The following AMY2B variants were observed in gnomAD, a reference collection of about 807,000 sequenced individuals.
The protein encoded by AMY2B is amylase alpha 2B.
A neutral mutation model predicts 59.3 loss-of-function variants in AMY2B; 63 were observed. The ratio of observed to expected loss-of-function variants is 1.06; its 90% CI spans 0.87 to 1.31. AMY2B has a LOEUF of 1.31. Among genes scored for constraint, AMY2B ranks in the 50% most tolerant of loss-of-function variants. The probability of loss-of-function intolerance (pLI) is 0.00; values close to 1 mark genes in which losing one functional copy is unlikely to be tolerated. For synonymous variants in AMY2B, 180 were observed against 198.1 expected (o/e 0.91, Z 0.77); for missense variants, 635 against 626.7 (o/e 1.01, Z -0.14).
At chr1:103,572,377 T>C (rs1652170641) in intron 2 of AMY2B, 121 bp downstream of exon 2, 1 of 1,479,140 alleles carries the variant, frequency 6.8e-7, no homozygotes, top group East Asian at 2.4e-5. Flanking sequence ...TACTTCATAC[T>C]TTAAAACTCA....
intron 1 of AMY2B, among the ~76,000 whole-genome samples, chr1:103,560,543 C>T (rs564175863): frequency 1.3e-5 from 2 of 152,208 alleles, no homozygotes; most frequent in East Asian, 3.9e-4. Context: ...TTACCCTATA[C>T]CACAGGAATT....
rs753376439 is a variant in AMY2B, at chr1:103,573,161, T to C, written c.414T>C (p.Ser138=). ...STCGSYFNPG[S]RDFPAVPYSG... is the part of the protein sequence containing the mutation. ...GTGGAAGTTACTTCAACCCTGGAAGTAGGGACTTTCCAGCAGTCCCATATT... is the reference window on the plus strand; with the variant it reads ...GTGGAAGTTACTTCAACCCTGGAAGCAGGGACTTTCCAGCAGTCCCATATT... Residue 138 remains serine (S), a synonymous_variant, in exon 3 of 10, where the codon AGT becomes AGC. Coordinates refer to ENST00000684275, the MANE Select transcript of AMY2B (RefSeq NM_001387437.1). 6 of 1,613,764 alleles carry C rather than the reference T, an allele frequency of 3.7e-6. 1 individual carries two copies. The South Asian group carries it at 5.5e-5, about 15-fold the overall frequency.
At chr1:103,565,354 T>C (rs1266058307) in intron 1 of AMY2B, 1 of 152,300 alleles carries the variant, frequency 6.6e-6, no homozygotes, top group South Asian at 2.1e-4. Flanking sequence ...ATAGTTACAT[T>C]GTTTAGGGAA....
intron 9 of AMY2B, 38 bp downstream of exon 9, chr1:103,577,883 G>T: frequency 6.3e-7 from 1 of 1,595,700 alleles, no homozygotes; most frequent in East Asian, 2.2e-5. Flanking sequence ...TTTTGTACCT[G>T]TATGCTCTTG....
chr1:103,575,265 A>G lies in AMY2B; in HGVS notation c.921A>G (p.Ala307=), dbSNP rs766003851. Residue 307 remains alanine, a synonymous_variant, in exon 6 of 10, where the codon GCA becomes GCG. Transcript: ENST00000684275. ...GGGGTTTCATGCCTTCTGACAGAGCACTTGTCTTTGTGGATAACCATGACA... is the reference window on the plus strand; with the variant it reads ...GGGGTTTCATGCCTTCTGACAGAGCGCTTGTCTTTGTGGATAACCATGACA... The part of the protein sequence containing the change: ...EGWGFMPSDR[A]LVFVDNHDNQ... 34 of 1,613,556 alleles carry G rather than the reference A, an allele frequency of 2.1e-5. No individual in the cohort carries two copies. Among genetic ancestry groups the G allele is most frequent in the African/African-American group, 6.7e-5 (5 of 74,920 alleles).
At chr1:103,575,170 C>T (rs555261276) in intron 5 of AMY2B, 53 bp from the exon 6 acceptor site, 300 of 1,609,770 alleles carry the variant, frequency 1.9e-4, no homozygotes, top group Non-Finnish European at 1.7e-4. Flanking sequence ...TTAAGTTACT[C>T]GCAAACTATT....
intron 9 of AMY2B, 55 bp downstream of exon 9, chr1:103,577,900 T>C: frequency 6.3e-7 from 1 of 1,589,846 alleles, no homozygotes; most frequent in African/African-American, 1.3e-5. Context: ...CTTGGTTTAT[T>C]CCTTTTTTTC....
In AMY2B at chr1:103,573,981, T is replaced by G. The variant is rs754418679; in HGVS notation, c.744+43T>G. The G allele has an allele frequency of 3.1e-6, 5 of 1,613,078 alleles. No homozygotes were observed. In the South Asian group the frequency reaches 5.5e-5, roughly 18 times the overall value. On this transcript the variant is annotated intron_variant, in intron 4 of 9. Coordinates refer to ENST00000684275, the MANE Select transcript of AMY2B (RefSeq NM_001387437.1). ...TGCATATAAAATATCATCTTATTCA[T>G]TAGAAAATAATGGCAGATTTAATTA...
At position 103,577,766 on chromosome 1, in the gene AMY2B, A is replaced by C. The variant is rs754841340; in HGVS notation, c.1267A>C (p.Asn423His). 4 of 1,609,276 alleles carry C rather than the reference A, an allele frequency of 2.5e-6. No homozygotes were observed. Among genetic ancestry groups the C allele is most frequent in the Non-Finnish European group, 2.5e-6 (3 of 1,179,762 alleles). The change falls in exon 9 of 10, where the codon AAC becomes CAC. Residue 423 changes from asparagine to histidine, a missense_variant. Transcript: ENST00000684275. ...TGTAGTGGATGGCCAGCCTTTTACAAACTGGTATGATAATGGGAGCAACCA... is the reference window on the plus strand; with the variant it reads ...TGTAGTGGATGGCCAGCCTTTTACACACTGGTATGATAATGGGAGCAACCA... ...RNVVDGQPFTNWYDNGSNQVA... is the reference protein window; with the variant it reads ...RNVVDGQPFTHWYDNGSNQVA...
In AMY2B at chr1:103,562,289, A is replaced by G. The variant is rs79554923; in HGVS notation, c.-206-3146A>G. On this transcript the variant is annotated intron_variant, in intron 1 of 11. Transcript: ENST00000361355. ...GAAAATGTGTCTTAGCCTTGGCTCA[A>G]AAGGTTTCTCTGATTTCAGAGATCT... 9.9e-3 allele frequency among the ~76,000 whole-genome samples: 1,502 copies of G among 152,262 alleles called. 24 individuals are homozygous for G. Among genetic ancestry groups the G allele is most frequent in the African/African-American group, 0.035 (1,436 of 41,548 alleles).
At chr1:103,563,953 G>A (rs945118857) in intron 1 of AMY2B, among the ~76,000 whole-genome samples, 2 of 152,122 alleles carry the variant, frequency 1.3e-5, no homozygotes, top group African/African-American at 2.4e-5. Flanking sequence ...GAAGTAGAAA[G>A]TATTAGAAGT....
At chr1:103,568,170 C>T (rs745925965), upstream of AMY2B, among the ~76,000 whole-genome samples, 41 of 152,098 alleles carry the variant, frequency 2.7e-4, no homozygotes, top group Non-Finnish European at 4.4e-4. Flanking sequence ...GAACAGAAAC[C>T]TGTCTTTTTC....
intron 1 of AMY2B, chr1:103,555,286 CATA>C (rs1222614459): frequency 6.6e-6 from 1 of 151,424 alleles, no homozygotes; most frequent in East Asian, 1.9e-4. Flanking sequence ...TCTAGGAAAA[CATA>C]ATATTATAAA....
At chr1:103,568,478 A>G (rs1220259641), upstream of AMY2B, 1 of 152,214 alleles carries the variant, frequency 6.6e-6, no homozygotes, top group Non-Finnish European at 1.5e-5. Flanking sequence ...TCTCCAATTC[A>G]TGGGCTTTGA....
chr1:103,571,799 G>A, intron 1 of AMY2B, 29 bp downstream of exon 1: 1 of 1,611,958 alleles, frequency 6.2e-7, no homozygotes, highest in Non-Finnish European at 8.5e-7. Flanking sequence ...ATCAATTGCA[G>A]AATTCACTAT....
At chr1:103,559,295 A>G (rs556257297) in intron 1 of AMY2B, among the ~76,000 whole-genome samples, 8 of 152,326 alleles carry the variant, frequency 5.3e-5, no homozygotes, top group Admixed American at 3.9e-4. Flanking sequence ...ACAGTTGCCT[A>G]TAATATTCAG....
chr1:103,573,653 T>C (rs1391863944), intron 3 of AMY2B, 55 bp from the exon 4 acceptor site: 3 of 1,604,844 alleles, frequency 1.9e-6, no homozygotes, highest in Non-Finnish European at 2.6e-6. Context: ...TCAAATGGAT[T>C]CTCATGTGAA....
chr1:103,573,638 A>C, intron 3 of AMY2B, 70 bp from the exon 4 acceptor site: 4 of 1,596,940 alleles, frequency 2.5e-6, no homozygotes, highest in Non-Finnish European at 3.4e-6. Context: ...GGAATAAATG[A>C]ATAATCAAAT....
At chr1:103,572,670 G>A (rs1445829598) in intron 2 of AMY2B, among the ~76,000 whole-genome samples, 1 of 152,146 alleles carries the variant, frequency 6.6e-6, no homozygotes, top group Non-Finnish European at 1.5e-5. Flanking sequence ...CATAATTTGA[G>A]ACTAATAGCT....
Sources: gnomAD v4.1 joint callset for allele counts (sites outside exome capture counted in the v4.1 genomes callset) on GRCh38, gnomAD v4.1.1 for gene constraint, MANE v1.5 for transcripts, NCBI Gene and HGNC (gene_info 2026-07-23, HGNC 2026-07-21) for gene names.